Variants in PLSCR2 observed in about 807,000 individuals in gnomAD.
PLSCR2 encodes PL scramblase 2.
PLSCR2 carries 18 observed loss-of-function variants against 25.3 expected under a neutral mutation model. That is an observed-to-expected ratio of 0.71 (90% CI 0.49 to 1.06). The LOEUF is 1.06. Ranked by LOEUF, PLSCR2 falls within the 50% of genes least tolerant of loss-of-function variation. PLSCR2 has a pLI of 0.00. For synonymous variants in PLSCR2, 88 were observed against 87.3 expected, an observed-to-expected ratio of 1.01 and a Z score of -0.04; for missense variants, 243 against 269.5, an observed-to-expected ratio of 0.90 and a Z score of 0.69.
chr3:146,451,708 G>A (rs1002812436), intron 5 of PLSCR2, among the ~76,000 whole-genome samples: 3 of 152,134 alleles, frequency 2.0e-5, no homozygotes, highest in Non-Finnish European at 2.9e-5. Flanking sequence ...CCGGAGATGA[G>A]AGTAAGGCCA....
At chr3:146,473,301 ATCTT>A (rs1380742903) in intron 1 of PLSCR2, among the ~76,000 whole-genome samples, 4 of 100,208 alleles carry the variant, frequency 4.0e-5, no homozygotes, top group Admixed American at 1.2e-4. Flanking sequence ...GAAAAGTACT[ATCTT>A]TTTTTTTTTT....
chr3:146,409,228 G>A (rs866576293), intron 2 of PLSCR2, among the ~76,000 whole-genome samples: 2 of 152,050 alleles, frequency 1.3e-5, no homozygotes, highest in Non-Finnish European at 2.9e-5. Flanking sequence ...TAGTAGAGGG[G>A]CTATTTCCTC....
chr3:146,475,340 G>T (rs780880834), intron 1 of PLSCR2, among the ~76,000 whole-genome samples: 1 of 151,940 alleles, frequency 6.6e-6, no homozygotes, highest in Admixed American at 6.6e-5. Flanking sequence ...GGGCCATTTT[G>T]TGGGGGCCAT....
In PLSCR2 at chr3:146,444,828, C is replaced by G. The variant is rs146772037; in HGVS notation, c.646-3007G>C. Among the ~76,000 whole-genome samples, 106 of 151,858 alleles carry G rather than the reference C, an allele frequency of 7.0e-4. 2 individuals are homozygous for G. In the East Asian group the frequency reaches 8.9e-3, roughly 13 times the overall value. On this transcript the variant is annotated intron_variant, in intron 6 of 6. Transcript: ENST00000610787. ...GTTTTCTGGTTATTTTTGTGATCTTCTCTTCCTTCTTTCCTTCCTTCCTGT... is the reference window on the plus strand; with the variant it reads ...GTTTTCTGGTTATTTTTGTGATCTTGTCTTCCTTCTTTCCTTCCTTCCTGT...
exon 1 of PLSCR2, chr3:146,460,353 A>G: frequency 2.7e-6 from 1 of 366,802 alleles, no homozygotes; most frequent in Non-Finnish European, 4.2e-6. Flanking sequence ...ATGCTTTTAT[A>G]CCTGTGAAAG....
upstream of PLSCR2, among the ~76,000 whole-genome samples, chr3:146,462,561 G>A (rs1019734748): frequency 2.0e-5 from 3 of 150,972 alleles, no homozygotes; most frequent in Admixed American, 6.6e-5. Context: ...TGCCTCCTGC[G>A]TTCAAGCGAT....
intron 1 of PLSCR2, among the ~76,000 whole-genome samples, chr3:146,480,256 T>C (rs1341469655): frequency 1.3e-5 from 2 of 151,756 alleles, no homozygotes; most frequent in African/African-American, 2.4e-5. Context: ...CTGAAGGAGA[T>C]AGAGACACAA....
intron 2 of PLSCR2, among the ~76,000 whole-genome samples, chr3:146,399,777 T>C (rs991193960): frequency 1.9e-5 from 2 of 105,678 alleles, no homozygotes; most frequent in African/African-American, 6.3e-5. Context: ...GCTTGCTTTC[T>C]TCTTCCTCCT....
intron 2 of PLSCR2, among the ~76,000 whole-genome samples, chr3:146,402,023 A>G (rs1292503834): frequency 6.6e-6 from 1 of 151,908 alleles, no homozygotes; most frequent in African/African-American, 2.4e-5. Flanking sequence ...TTGCAAGCAA[A>G]TAAGAATATT....
At chr3:146,494,946 T>C (rs2043693253) in intron 1 of PLSCR2, 1 of 152,150 alleles carries the variant, frequency 6.6e-6, no homozygotes, top group South Asian at 2.1e-4. Flanking sequence ...CTGATCCCAG[T>C]TTTATGGATC....
At chr3:146,460,141 T>G in intron 1 of PLSCR2, 58 bp from the exon 2 acceptor site, 1 of 1,404,556 alleles carries the variant, frequency 7.1e-7, no homozygotes, top group Non-Finnish European at 9.4e-7. Flanking sequence ...TCAATCCTTT[T>G]TAGAATAACC....
intron 1 of PLSCR2, among the ~76,000 whole-genome samples, chr3:146,468,221 T>C (rs941007231): frequency 3.3e-5 from 5 of 152,228 alleles, no homozygotes; most frequent in Admixed American, 6.5e-5. Context: ...TTTTCCTTTG[T>C]ATGTGTTTTT....
downstream of PLSCR2, among the ~76,000 whole-genome samples, chr3:146,437,074 C>T (rs1349913552): frequency 1.3e-5 from 2 of 151,826 alleles, no homozygotes; most frequent in South Asian, 2.1e-4. Context: ...TGATGGATTA[C>T]GTTTATTGAT....
At chr3:146,404,809 CA>C (rs765756845) in intron 2 of PLSCR2, among the ~76,000 whole-genome samples, 1,571 of 44,972 alleles carry the variant, frequency 0.035, 14 homozygotes, top group Non-Finnish European at 0.048. Flanking sequence ...AAGAAATAGG[CA>C]AAAAAAAAAA....
At chr3:146,406,382 T>C (rs1457792461) in intron 2 of PLSCR2, among the ~76,000 whole-genome samples, 2 of 152,158 alleles carry the variant, frequency 1.3e-5, no homozygotes, top group East Asian at 3.9e-4. Context: ...CGATACTTCC[T>C]GCTCCTGGGA....
chr3:146,410,676 C>T (rs1032923361), intron 2 of PLSCR2, among the ~76,000 whole-genome samples: 2 of 152,176 alleles, frequency 1.3e-5, no homozygotes, highest in Admixed American at 6.5e-5. Flanking sequence ...ACATGCAAAA[C>T]CTTAACAACC....
chr3:146,445,834 TTTTA>T (rs1385311941), intron 6 of PLSCR2, among the ~76,000 whole-genome samples: 1 of 152,148 alleles, frequency 6.6e-6, no homozygotes, highest in African/African-American at 2.4e-5. Flanking sequence ...CTTCATTGTT[TTTTA>T]TTTTTTATTT....
At chr3:146,442,752 T>C (rs1007835047) in intron 6 of PLSCR2, among the ~76,000 whole-genome samples, 2 of 151,910 alleles carry the variant, frequency 1.3e-5, no homozygotes, top group Non-Finnish European at 2.9e-5. Flanking sequence ...AGACCAAATA[T>C]ATATACAGAA....
At chr3:146,424,793 T>C (rs2039281969) in intron 2 of PLSCR2, among the ~76,000 whole-genome samples, 1 of 151,966 alleles carries the variant, frequency 6.6e-6, no homozygotes, top group Non-Finnish European at 1.5e-5. Context: ...CACCCTCCCG[T>C]AGGACATTTT....
Sources: allele counts gnomAD v4.1 joint callset (sites outside exome capture counted in the v4.1 genomes callset), GRCh38; gene constraint gnomAD v4.1.1; transcripts MANE v1.5; gene names NCBI Gene and HGNC (gene_info 2026-07-23, HGNC 2026-07-21).